Variants in SIPA1L3 observed in about 807,000 individuals in gnomAD.
The protein encoded by SIPA1L3 is signal-induced proliferation-associated 1-like protein 3.
SIPA1L3 carries 59 observed loss-of-function variants against 150.1 expected under a neutral mutation model. The ratio of observed to expected loss-of-function variants is 0.39; its 90% CI spans 0.32 to 0.49. SIPA1L3 has a LOEUF of 0.49. SIPA1L3 is among the 20% of genes least tolerant of loss of function. The pLI, the probability that SIPA1L3 is intolerant of heterozygous loss-of-function variation, is 0.86. For missense variants in SIPA1L3, 2,211 were observed against 2,489.5 expected (o/e 0.89, Z 2.38); for synonymous variants, 1,070 against 1,077.6 (o/e 0.99, Z 0.14).
chr19:37,994,351 A>G (rs1352581770), intron 1 of SIPA1L3, among the ~76,000 whole-genome samples: 3 of 152,196 alleles, frequency 2.0e-5, no homozygotes, highest in Non-Finnish European at 4.4e-5. Flanking sequence ...GGGATATGGT[A>G]CAAGTGGCGC....
At chr19:37,938,786 C>A (rs1290816162) in intron 1 of SIPA1L3, among the ~76,000 whole-genome samples, 1 of 152,036 alleles carries the variant, frequency 6.6e-6, no homozygotes, top group Non-Finnish European at 1.5e-5. Flanking sequence ...CCACACCCAG[C>A]TAATTTTTGT....
intron 1 of SIPA1L3, among the ~76,000 whole-genome samples, chr19:37,914,760 C>T (rs2046402885): frequency 6.6e-6 from 1 of 152,150 alleles, no homozygotes; most frequent in Admixed American, 6.6e-5. Flanking sequence ...CACCCTCAGT[C>T]TTCCAAAGTG....
rs143850469 is a variant in SIPA1L3, at chr19:38,057,019, C to T, written c.-310-24237C>T. Among the ~76,000 whole-genome samples, 543 of 152,126 alleles carry T rather than the reference C, an allele frequency of 3.6e-3. 7 individuals are homozygous for T. Among genetic ancestry groups the T allele is most frequent in the African/African-American group, 0.013 (527 of 41,490 alleles). ...GGCGCGGTGGCTCAACGCCTGTAAT[C>T]CCAGCACTCTGGGAAGCCGAGGTGG... On this transcript the variant is annotated intron_variant, in intron 2 of 21. Transcript: ENST00000222345.
intron 15 of SIPA1L3, among the ~76,000 whole-genome samples, chr19:38,179,888 G>A (rs1471737889): frequency 6.6e-6 from 1 of 151,916 alleles, no homozygotes; most frequent in African/African-American, 2.4e-5. Context: ...TGTCACCCAG[G>A]CTAGAGTGCA....
At chr19:38,115,541 C>G (rs967767842) in intron 8 of SIPA1L3, among the ~76,000 whole-genome samples, 1 of 152,216 alleles carries the variant, frequency 6.6e-6, no homozygotes, top group Non-Finnish European at 1.5e-5. Context: ...GAAGTGCTAA[C>G]TCACCAGGGC....
chr19:38,179,357 G>C (rs762169219), intron 15 of SIPA1L3, among the ~76,000 whole-genome samples: 1 of 152,154 alleles, frequency 6.6e-6, no homozygotes, highest in Non-Finnish European at 1.5e-5. Context: ...CAGGAGAATC[G>C]CTTGAGCCAG....
intron 2 of SIPA1L3, among the ~76,000 whole-genome samples, chr19:38,063,514 T>A (rs1969501004): frequency 6.6e-6 from 1 of 152,234 alleles, no homozygotes; most frequent in Admixed American, 6.5e-5. Context: ...TGTCGAATAT[T>A]GATTTAATCT....
chr19:37,960,754 A>T (rs1298569806), intron 1 of SIPA1L3, among the ~76,000 whole-genome samples: 3 of 151,336 alleles, frequency 2.0e-5, no homozygotes, highest in Non-Finnish European at 2.9e-5. Flanking sequence ...AGGTTTTGCC[A>T]TGTTGCTCAG....
intron 1 of SIPA1L3, among the ~76,000 whole-genome samples, chr19:37,919,144 CT>C (rs936552372): frequency 5.9e-5 from 9 of 152,218 alleles, no homozygotes; most frequent in Non-Finnish European, 1.2e-4. Context: ...TGGTTCTAGA[CT>C]TTTTGGAGGT....
chr19:37,975,603 T>C (rs1022284981), intron 1 of SIPA1L3, among the ~76,000 whole-genome samples: 2 of 152,208 alleles, frequency 1.3e-5, no homozygotes, highest in Non-Finnish European at 2.9e-5. Flanking sequence ...TTAGAACAGC[T>C]CCTGGCCTGT....
intron 19 of SIPA1L3, 27 bp from the exon 20 acceptor site, chr19:38,201,835 C>A: frequency 6.3e-7 from 1 of 1,580,632 alleles, no homozygotes; most frequent in South Asian, 1.2e-5. Context: ...CTTGCTGACC[C>A]CTCTCCTCCT....
intron 18 of SIPA1L3, among the ~76,000 whole-genome samples, chr19:38,197,779 T>A (rs985884296): frequency 1.3e-5 from 2 of 151,974 alleles, no homozygotes; most frequent in Non-Finnish European, 2.9e-5. Flanking sequence ...TGCCCCTGTG[T>A]CCTATCACGG....
chr19:38,188,532 A>T (rs1009844661), intron 16 of SIPA1L3, among the ~76,000 whole-genome samples: 1 of 152,102 alleles, frequency 6.6e-6, no homozygotes, highest in Non-Finnish European at 1.5e-5. Flanking sequence ...CAGTCCTGTC[A>T]GTCAGAACCT....
chr19:38,061,177 G>T (rs553799159), intron 2 of SIPA1L3, among the ~76,000 whole-genome samples: 5 of 151,834 alleles, frequency 3.3e-5, no homozygotes, highest in Non-Finnish European at 7.4e-5. Context: ...AGGACAATGC[G>T]GCACATGCCA....
chr19:38,048,901 G>A (rs911184737), intron 2 of SIPA1L3, among the ~76,000 whole-genome samples: 1 of 152,080 alleles, frequency 6.6e-6, no homozygotes, highest in Non-Finnish European at 1.5e-5. Context: ...TGGCTAACAC[G>A]GTGAAACCCC....
chr19:38,123,081 A>G (rs1351630082), intron 9 of SIPA1L3, among the ~76,000 whole-genome samples: 2 of 152,088 alleles, frequency 1.3e-5, no homozygotes, highest in East Asian at 1.9e-4. Context: ...TAGTGGCCGC[A>G]ATAGTGAGGA....
chr19:38,157,969 G>A (rs11879553), intron 13 of SIPA1L3, among the ~76,000 whole-genome samples: 11,329 of 152,188 alleles, frequency 0.074, 1,273 homozygotes, highest in African/African-American at 0.24. Flanking sequence ...GGCTGGGCAC[G>A]GTGTCTCATG....
chr19:38,111,908 CAT>C (rs780298660), intron 8 of SIPA1L3, among the ~76,000 whole-genome samples: 44 of 152,042 alleles, frequency 2.9e-4, no homozygotes, highest in Non-Finnish European at 5.3e-4. Context: ...CACACACACA[CAT>C]GCATGCACGC....
At chr19:38,197,023 G>A (rs2146058793) in intron 18 of SIPA1L3, among the ~76,000 whole-genome samples, 1 of 152,300 alleles carries the variant, frequency 6.6e-6, no homozygotes. Flanking sequence ...CTCATATGTA[G>A]TCAGCACTGA....
Sources: allele counts gnomAD v4.1 joint callset (sites outside exome capture counted in the v4.1 genomes callset), GRCh38; gene constraint gnomAD v4.1.1; transcripts MANE v1.5; gene names NCBI Gene and HGNC (gene_info 2026-07-23, HGNC 2026-07-21).